The following IL1RAPL2 variants were observed in gnomAD, a reference collection of about 807,000 sequenced individuals.
The protein encoded by IL1RAPL2 is interleukin 1 receptor accessory protein like 2, also known as X-linked interleukin-1 receptor accessory protein-like 2.
In IL1RAPL2, 3 loss-of-function variants were observed where a neutral mutation model predicts 44.1. That is an observed-to-expected ratio of 0.07 (90% CI 0.03 to 0.18). The LOEUF is 0.18. Among genes scored for constraint, IL1RAPL2 ranks in the 10% least tolerant of loss-of-function variants. The probability of loss-of-function intolerance (pLI) is 1.00; values close to 1 mark genes in which losing one functional copy is unlikely to be tolerated. For synonymous variants in IL1RAPL2, 181 were observed against 178.8 expected, an observed-to-expected ratio of 1.01 and a Z score of -0.10; for missense variants, 391 against 496.4, an observed-to-expected ratio of 0.79 and a Z score of 2.02.
chrX:105,423,630 G>A (rs5962515), intron 5 of IL1RAPL2, among the ~76,000 whole-genome samples: 3,381 of 111,291 alleles, frequency 0.03, 140 homozygotes, highest in African/African-American at 0.1. Context: ...CACTCTAATG[G>A]TAAGGAGAAA....
In IL1RAPL2 at chrX:105,247,603, ATGTGTGTGTGTGTG is replaced by A. The variant is rs10588244; in HGVS notation, c.543+13627_543+13640del. Among the ~76,000 whole-genome samples the A allele has an allele frequency of 5.9e-4, 56 of 95,048 alleles. No individual in the cohort carries two copies. The South Asian group carries it at 6.1e-3, about 10-fold the overall frequency. 82.5% of individuals were successfully genotyped at this position (95,048 alleles called of 115,157 possible). Reference sequence around the variant, plus strand: ...TAGAAGTGTGTGTGTATATATATATATGTGTGTGTGTGTGTGTGTGTGTGTGTGTGTGTGTGTGT... The same window carrying A: ...TAGAAGTGTGTGTGTATATATATATATGTGTGTGTGTGTGTGTGTGTGTGT... On this transcript the variant is annotated intron_variant, in intron 4 of 10. Transcript: ENST00000372582.
At chrX:104,728,236 T>G (rs1454930072) in intron 2 of IL1RAPL2, among the ~76,000 whole-genome samples, 1 of 111,783 alleles carries the variant, frequency 8.9e-6, no homozygotes, top group Non-Finnish European at 1.9e-5. Context: ...TAAATGTCAC[T>G]GAACACTGAA....
intron 5 of IL1RAPL2, among the ~76,000 whole-genome samples, chrX:105,409,833 T>TAGACAGACAGAC (rs1187732310): frequency 1.1e-5 from 1 of 93,359 alleles, no homozygotes; most frequent in South Asian, 5.9e-4. Context: ...GATAGATAGA[T>TAGACAGACAGAC]AGATAGATAG....
chrX:104,784,024 T>G (rs1932786906), intron 2 of IL1RAPL2, among the ~76,000 whole-genome samples: 1 of 111,236 alleles, frequency 9.0e-6, no homozygotes, highest in Non-Finnish European at 1.9e-5. Context: ...CTCTATTTAC[T>G]GAGTTACTCC....
At chrX:104,694,371 A>G (rs756689142) in intron 2 of IL1RAPL2, among the ~76,000 whole-genome samples, 5 of 112,061 alleles carry the variant, frequency 4.5e-5, no homozygotes, top group Non-Finnish European at 9.4e-5. Context: ...TAGCCTGACC[A>G]TTCACTAGTC....
At chrX:105,573,491 A>G (rs763263046) in intron 6 of IL1RAPL2, among the ~76,000 whole-genome samples, 40 of 111,731 alleles carry the variant, frequency 3.6e-4, no homozygotes, top group African/African-American at 1.2e-3. Context: ...TTAGATGGTA[A>G]GAATAAAGAA....
intron 3 of IL1RAPL2, among the ~76,000 whole-genome samples, chrX:105,209,016 C>CT (rs1569403990): frequency 9.0e-6 from 1 of 111,578 alleles, no homozygotes; most frequent in African/African-American, 3.3e-5. Context: ...TCACATGAAT[C>CT]TTTTTTTAGT....
chrX:105,081,604 G>A (rs753801161), intron 2 of IL1RAPL2, among the ~76,000 whole-genome samples: 96 of 111,474 alleles, frequency 8.6e-4, no homozygotes, highest in African/African-American at 3.0e-3. Context: ...AGTATGATTG[G>A]CTGTGGGTTT....
chrX:105,318,479 C>T (rs889637836), intron 5 of IL1RAPL2, among the ~76,000 whole-genome samples: 1 of 111,218 alleles, frequency 9.0e-6, no homozygotes, highest in African/African-American at 3.3e-5. Flanking sequence ...GGAGTTGGAA[C>T]CTGAGCTAGC....
Position 104,731,570 on chromosome X carries a change from T to C in IL1RAPL2, c.82+72575T>C, listed in dbSNP as rs1931920531. On this transcript the variant is annotated intron_variant, in intron 2 of 10. Coordinates refer to ENST00000372582, the MANE Select transcript of IL1RAPL2 (RefSeq NM_017416.2). ...GGTGGGCACAACCATGCCCAGCTAA[T>C]TTTTGTATTTTTAGTAGAGACAGGT... is the stretch of plus-strand genomic sequence containing the variant. 4.5e-5 allele frequency among the ~76,000 whole-genome samples: 5 copies of C among 110,904 alleles called. No individual in the cohort carries two copies. The Admixed American group carries it at 4.8e-4, about 11-fold the overall frequency.
chrX:105,463,599 CACAT>C (rs1397488479), intron 5 of IL1RAPL2, among the ~76,000 whole-genome samples: 26 of 105,555 alleles, frequency 2.5e-4, no homozygotes, highest in Non-Finnish European at 4.0e-4. Flanking sequence ...CACACACACA[CACAT>C]GCACGCATAC....
Position 105,398,724 on chromosome X carries a change from G to T in IL1RAPL2, c.698-85589G>T, listed in dbSNP as rs1385241443. ...TCTAATAGTTATCTGTGAAAGAAAT[G>T]CATTTTAAATATAAGAAAAAAATGC... On this transcript the variant is annotated intron_variant, in intron 5 of 10. Transcript: ENST00000372582. 5.4e-4 allele frequency among the ~76,000 whole-genome samples: 60 copies of T among 111,574 alleles called. 1 individual carries two copies. Among genetic ancestry groups the T allele is most frequent in the Non-Finnish European group, 2.1e-4 (11 of 52,970 alleles).
At chrX:105,286,759 C>T (rs2034575432) in intron 5 of IL1RAPL2, among the ~76,000 whole-genome samples, 1 of 111,546 alleles carries the variant, frequency 9.0e-6, no homozygotes, top group Non-Finnish European at 1.9e-5. Flanking sequence ...CATTAAACCA[C>T]TCTGTATATT....
intron 6 of IL1RAPL2, among the ~76,000 whole-genome samples, chrX:105,611,361 A>C (rs893759468): frequency 8.9e-6 from 1 of 111,915 alleles, no homozygotes; most frequent in African/African-American, 3.2e-5. Context: ...AGTCTATAGA[A>C]GTATACAATA....
At chrX:104,821,466 A>G (rs940841367) in intron 2 of IL1RAPL2, among the ~76,000 whole-genome samples, 2 of 109,459 alleles carry the variant, frequency 1.8e-5, no homozygotes, top group Non-Finnish European at 3.8e-5. Flanking sequence ...TCATTGTTCA[A>G]CTCCCACTTA....
At chrX:104,963,315 T>C (rs1284365236) in intron 2 of IL1RAPL2, among the ~76,000 whole-genome samples, 1 of 112,257 alleles carries the variant, frequency 8.9e-6, no homozygotes, top group Non-Finnish European at 1.9e-5. Context: ...TACTTACATT[T>C]GATCTTCCAA....
At chrX:105,076,346 A>T (rs1391879814) in intron 2 of IL1RAPL2, among the ~76,000 whole-genome samples, 6 of 111,108 alleles carry the variant, frequency 5.4e-5, no homozygotes, top group Middle Eastern at 4.7e-3. Context: ...CATGTAATTG[A>T]GTGGTTTTGA....
At chrX:105,153,142 T>C (rs2033241819) in intron 2 of IL1RAPL2, among the ~76,000 whole-genome samples, 1 of 112,284 alleles carries the variant, frequency 8.9e-6, no homozygotes, top group Admixed American at 9.5e-5. Context: ...TAATACCAGA[T>C]TGACTTTGAA....
chrX:105,024,260 G>A (rs1693451680), intron 2 of IL1RAPL2, among the ~76,000 whole-genome samples: 1 of 111,418 alleles, frequency 9.0e-6, no homozygotes, highest in Non-Finnish European at 1.9e-5. Flanking sequence ...ATTGCTTTCT[G>A]CCCATCATAC....
Sources: allele counts gnomAD v4.1 joint callset (sites outside exome capture counted in the v4.1 genomes callset), GRCh38; gene constraint gnomAD v4.1.1; transcripts MANE v1.5; gene names NCBI Gene and HGNC (gene_info 2026-07-23, HGNC 2026-07-21).